The following TBL1X variants were observed in gnomAD, a reference collection of about 807,000 sequenced individuals.
TBL1X encodes transducin beta like 1 X-linked, also known as F-box-like/WD repeat-containing protein TBL1X.
TBL1X carries 10 observed loss-of-function variants against 50.7 expected under a neutral mutation model. The ratio of observed to expected loss-of-function variants is 0.20; its 90% CI spans 0.12 to 0.33. The LOEUF (loss-of-function observed/expected upper bound fraction) is 0.33, where lower values mean the gene tolerates loss of function less well. TBL1X is among the 10% of genes least tolerant of loss of function. TBL1X has a pLI of 1.00. For synonymous variants in TBL1X, 190 were observed against 214.7 expected, an observed-to-expected ratio of 0.88 and a Z score of 1.01; for missense variants, 340 against 504.4, an observed-to-expected ratio of 0.67 and a Z score of 3.12.
At chrX:9,620,999 A>AG (rs1319908790) in intron 2 of TBL1X, among the ~76,000 whole-genome samples, 3 of 111,996 alleles carry the variant, frequency 2.7e-5, no homozygotes, top group Non-Finnish European at 5.6e-5. Flanking sequence ...AGGGGAGTGA[A>AG]GGTGTGGCAT....
intron 2 of TBL1X, among the ~76,000 whole-genome samples, chrX:9,613,039 CAAA>C (rs542658168): frequency 1.1e-5 from 1 of 91,320 alleles, no homozygotes; most frequent in Non-Finnish European, 2.2e-5. Context: ...AAATTATTAC[CAAA>C]AAAAAAAAAG....
chrX:9,579,126 C>T (rs998197910), intron 2 of TBL1X, among the ~76,000 whole-genome samples: 4 of 111,591 alleles, frequency 3.6e-5, no homozygotes, highest in Admixed American at 2.8e-4. Context: ...AAAGTAAAAC[C>T]ACAGAAGCGG....
intron 2 of TBL1X, among the ~76,000 whole-genome samples, chrX:9,618,550 G>C (rs753085431): frequency 1.8e-5 from 2 of 111,386 alleles, no homozygotes; most frequent in Admixed American, 9.5e-5. Context: ...ATGGTGGCGC[G>C]CCCCTGTAAT....
chrX:9,522,146 T>C (rs1258644071), intron 2 of TBL1X, among the ~76,000 whole-genome samples: 1 of 108,858 alleles, frequency 9.2e-6, no homozygotes, highest in Middle Eastern at 4.2e-3. Flanking sequence ...GCCTCCCAAG[T>C]AGCTGGGGCC....
chrX:9,514,678 G>A (rs1266509999), intron 2 of TBL1X, among the ~76,000 whole-genome samples: 23 of 112,439 alleles, frequency 2.0e-4, no homozygotes, highest in Non-Finnish European at 5.6e-5. Flanking sequence ...CCCAAGGGGA[G>A]TGGCTTCTCA....
chrX:9,670,962 A>T (rs542621467), intron 5 of TBL1X, among the ~76,000 whole-genome samples: 1 of 112,389 alleles, frequency 8.9e-6, no homozygotes, highest in African/African-American at 3.2e-5. Flanking sequence ...CAAATAATAA[A>T]ATAAGGAAGA....
At chrX:9,534,779 C>T in intron 2 of TBL1X, 1 of 111,053 alleles carries the variant, frequency 9.0e-6, no homozygotes, top group Non-Finnish European at 1.9e-5. Context: ...CCCCTCTTCC[C>T]CCCTCTCTGA....
At chrX:9,525,680 G>A (rs913981428) in intron 2 of TBL1X, among the ~76,000 whole-genome samples, 9 of 112,306 alleles carry the variant, frequency 8.0e-5, no homozygotes, top group Non-Finnish European at 1.1e-4. Context: ...TGAGCAGGAG[G>A]AAATAACTCA....
At chrX:9,467,921 C>G (rs1344803308) in intron 1 of TBL1X, among the ~76,000 whole-genome samples, 2 of 112,299 alleles carry the variant, frequency 1.8e-5, no homozygotes, top group Admixed American at 9.4e-5. Flanking sequence ...TTAAGGAGTC[C>G]GCCGGGCTGC....
chrX:9,520,441 G>C (rs145206451), intron 2 of TBL1X, among the ~76,000 whole-genome samples: 2,003 of 111,279 alleles, frequency 0.018, 54 homozygotes, highest in African/African-American at 0.063. Flanking sequence ...CTAGAGACCA[G>C]GGAGATGGGA....
At chrX:9,464,239 C>T (rs1267515846), upstream of TBL1X, among the ~76,000 whole-genome samples, 1 of 110,939 alleles carries the variant, frequency 9.0e-6, no homozygotes, top group African/African-American at 3.3e-5. Flanking sequence ...GCCATTGCAA[C>T]ATAAAGCACT....
At chrX:9,599,617 A>C (rs377658713) in intron 2 of TBL1X, among the ~76,000 whole-genome samples, 3 of 112,422 alleles carry the variant, frequency 2.7e-5, no homozygotes, top group Non-Finnish European at 3.8e-5. Context: ...GATTACTTCT[A>C]GAAATGTCCT....
At chrX:9,610,280 C>T (rs2082607067) in intron 2 of TBL1X, among the ~76,000 whole-genome samples, 1 of 112,307 alleles carries the variant, frequency 8.9e-6, no homozygotes, top group Non-Finnish European at 1.9e-5. Flanking sequence ...GTGTGCTGAT[C>T]AAAAGACTTT....
intron 2 of TBL1X, among the ~76,000 whole-genome samples, chrX:9,629,733 A>C (rs2082710857): frequency 8.9e-6 from 1 of 111,819 alleles, no homozygotes; most frequent in African/African-American, 3.3e-5. Flanking sequence ...CTTTGATAGA[A>C]CATGGCAGTT....
rs755690673 is a variant in TBL1X, at chrX:9,601,991, C to T, written c.-130-38282C>T. On this transcript the variant is annotated intron_variant, in intron 2 of 17. Transcript: ENST00000645353. ...ACCGGGAGGCGGAGGTTGCAGTGAG[C>T]CGAGATTGCGCCACTGCACTCCAGC... Among the ~76,000 whole-genome samples the T allele has an allele frequency of 6.3e-5, 7 of 111,757 alleles. No homozygotes were observed. In the Admixed American group the frequency reaches 6.6e-4, roughly 11 times the overall value.
chrX:9,700,855 A>G (rs930763680), intron 12 of TBL1X, among the ~76,000 whole-genome samples: 2 of 112,077 alleles, frequency 1.8e-5, no homozygotes, highest in East Asian at 5.6e-4. Flanking sequence ...CACGACAGCC[A>G]GGAGAGATCT....
intron 2 of TBL1X, among the ~76,000 whole-genome samples, chrX:9,538,670 G>C (rs2082200888): frequency 8.9e-6 from 1 of 112,390 alleles, no homozygotes; most frequent in Admixed American, 9.4e-5. Flanking sequence ...TGTACCGAAG[G>C]GTGAGGGGGA....
intron 2 of TBL1X, among the ~76,000 whole-genome samples, chrX:9,607,807 GTTGA>G (rs1188673874): frequency 9.2e-6 from 1 of 108,998 alleles, no homozygotes; most frequent in Admixed American, 9.8e-5. Context: ...ATTTTTTTAA[GTTGA>G]TTTATTTATT....
At chrX:9,680,818 C>T (rs865992804) in intron 5 of TBL1X, among the ~76,000 whole-genome samples, 5 of 111,740 alleles carry the variant, frequency 4.5e-5, no homozygotes, top group African/African-American at 1.6e-4. Flanking sequence ...AAAGAGGACC[C>T]AAGCTGATGA....
Sources: gnomAD v4.1 joint callset for allele counts (sites outside exome capture counted in the v4.1 genomes callset) on GRCh38, gnomAD v4.1.1 for gene constraint, MANE v1.5 for transcripts, NCBI Gene and HGNC (gene_info 2026-07-23, HGNC 2026-07-21) for gene names.